DCDC1: variants seen among roughly 807,000 people sequenced by gnomAD.
DCDC1 encodes doublecortin domain-containing protein 1.
DCDC1 carries 200 observed loss-of-function variants against 178.3 expected under a neutral mutation model. That is an observed-to-expected ratio of 1.12 (90% CI 1.00 to 1.26). The LOEUF (loss-of-function observed/expected upper bound fraction) is 1.26, where lower values mean the gene tolerates loss of function less well. DCDC1 is among the 50% of genes most tolerant of loss of function. The probability of loss-of-function intolerance (pLI) is 0.00; values close to 1 mark genes in which losing one functional copy is unlikely to be tolerated. For synonymous variants in DCDC1, 690 were observed against 604.8 expected, an observed-to-expected ratio of 1.14 and a Z score of -2.07; for missense variants, 1,983 against 1,749.2, an observed-to-expected ratio of 1.13 and a Z score of -2.38.
chr11:31,182,356 C>T (rs1466187930), intron 9 of DCDC1, among the ~76,000 whole-genome samples: 1 of 152,148 alleles, frequency 6.6e-6, no homozygotes, highest in Non-Finnish European at 1.5e-5. Flanking sequence ...CAAAGGGAAG[C>T]CCATCAGACT....
chr11:31,245,277 C>T (rs992238034), intron 8 of DCDC1, among the ~76,000 whole-genome samples: 3 of 150,888 alleles, frequency 2.0e-5, no homozygotes, highest in African/African-American at 7.3e-5. Flanking sequence ...ATCCTAAAAC[C>T]TTTTGGAGTT....
At chr11:31,229,985 A>T (rs1034514175) in intron 9 of DCDC1, among the ~76,000 whole-genome samples, 7 of 152,314 alleles carry the variant, frequency 4.6e-5, no homozygotes, top group African/African-American at 1.7e-4. Flanking sequence ...CTACTATTTA[A>T]TATAGTACTT....
At chr11:31,031,749 G>T (rs775718995) in intron 20 of DCDC1, among the ~76,000 whole-genome samples, 10 of 151,904 alleles carry the variant, frequency 6.6e-5, no homozygotes, top group Non-Finnish European at 1.5e-4. Context: ...AAATGAAAAA[G>T]AAATTTTCTC....
At chr11:30,974,762 G>A (rs1331981638) in intron 20 of DCDC1, among the ~76,000 whole-genome samples, 1 of 152,064 alleles carries the variant, frequency 6.6e-6, no homozygotes, top group Non-Finnish European at 1.5e-5. Flanking sequence ...TGGCTTCACT[G>A]CCAAATTCTA....
At chr11:30,926,594 G>A (rs1031010844) in intron 22 of DCDC1, among the ~76,000 whole-genome samples, 5 of 152,256 alleles carry the variant, frequency 3.3e-5, no homozygotes, top group South Asian at 4.1e-4. Flanking sequence ...AGGATATCCC[G>A]CCTATGGAAG....
At chr11:30,916,736 A>G (rs1457863226) in intron 26 of DCDC1, 134 bp downstream of exon 26, 8 of 1,095,012 alleles carry the variant, frequency 7.3e-6, no homozygotes, top group Admixed American at 3.7e-5. Flanking sequence ...AATCAAAAAC[A>G]TAAGACAAAA....
chr11:31,321,494 T>C (rs1162256002), intron 3 of DCDC1, among the ~76,000 whole-genome samples: 1 of 152,176 alleles, frequency 6.6e-6, no homozygotes, highest in Non-Finnish European at 1.5e-5. Flanking sequence ...GGTGAGGCAA[T>C]GCCTCGCCCA....
In DCDC1 at chr11:31,358,387, G is replaced by A. The variant is rs560758238; in HGVS notation, c.-125+11310C>T. Among the ~76,000 whole-genome samples the A allele has an allele frequency of 1.1e-4, 17 of 152,198 alleles. 1 individual carries two copies. The South Asian group carries it at 3.5e-3, about 32-fold the overall frequency. The stretch of plus-strand genomic sequence containing the variant: ...TGCTGGGAAAACTGGCTAGCCATAT[G>A]TAGAAAGCTGAAACTGGACCCCTTC... On this transcript the variant is annotated intron_variant, in intron 1 of 38. Transcript: ENST00000684477.
chr11:31,168,548 G>A (rs555835261), intron 9 of DCDC1, among the ~76,000 whole-genome samples: 2 of 152,120 alleles, frequency 1.3e-5, no homozygotes, highest in Non-Finnish European at 2.9e-5. Context: ...AACCAAATGA[G>A]GCAGTATAAA....
chr11:31,190,795 C>T (rs1970043528), intron 9 of DCDC1, among the ~76,000 whole-genome samples: 1 of 151,994 alleles, frequency 6.6e-6, no homozygotes, highest in Non-Finnish European at 1.5e-5. Flanking sequence ...ATTAACATTA[C>T]TTAATATTTT....
intron 9 of DCDC1, among the ~76,000 whole-genome samples, chr11:31,226,222 T>C (rs1270096295): frequency 6.6e-6 from 1 of 152,022 alleles, no homozygotes; most frequent in African/African-American, 2.4e-5. Flanking sequence ...CATGTCCTAG[T>C]TCAGCCTGGT....
chr11:31,018,185 T>C (rs1316629489), intron 20 of DCDC1, among the ~76,000 whole-genome samples: 1 of 152,230 alleles, frequency 6.6e-6, no homozygotes, highest in Admixed American at 6.5e-5. Flanking sequence ...TGTAAGAATT[T>C]AGTTAATATT....
At chr11:30,895,812 T>G (rs1320990732) in intron 34 of DCDC1, among the ~76,000 whole-genome samples, 1 of 152,186 alleles carries the variant, frequency 6.6e-6, no homozygotes, top group African/African-American at 2.4e-5. Flanking sequence ...ATACTAAATA[T>G]AGTTTTTACC....
intron 34 of DCDC1, among the ~76,000 whole-genome samples, chr11:30,895,588 A>G (rs1001414794): frequency 6.6e-6 from 1 of 152,220 alleles, no homozygotes; most frequent in African/African-American, 2.4e-5. Context: ...AAGTTTATGG[A>G]AATAGATCCA....
chr11:30,988,489 T>A (rs1467408949), intron 20 of DCDC1, among the ~76,000 whole-genome samples: 1 of 151,670 alleles, frequency 6.6e-6, no homozygotes, highest in Non-Finnish European at 1.5e-5. Context: ...AGCACTCTAT[T>A]TGGTCACCTC....
intron 9 of DCDC1, among the ~76,000 whole-genome samples, chr11:31,206,410 T>G (rs1336386063): frequency 6.6e-6 from 1 of 151,924 alleles, no homozygotes; most frequent in Non-Finnish European, 1.5e-5. Flanking sequence ...GATTTCTGTG[T>G]TTGTTTGTTT....
chr11:30,978,402 C>G (rs1382749941), intron 20 of DCDC1, among the ~76,000 whole-genome samples: 2 of 152,162 alleles, frequency 1.3e-5, no homozygotes, highest in Non-Finnish European at 2.9e-5. Context: ...AGCACAATAT[C>G]TGAAACATAA....
chr11:31,170,398 G>T (rs1967063586), intron 9 of DCDC1, among the ~76,000 whole-genome samples: 1 of 152,136 alleles, frequency 6.6e-6, no homozygotes, highest in African/African-American at 2.4e-5. Context: ...TTTTTAAAGA[G>T]TTCATATCAA....
intron 20 of DCDC1, among the ~76,000 whole-genome samples, chr11:30,960,869 A>T (rs1949053008): frequency 6.6e-6 from 1 of 152,118 alleles, no homozygotes. Flanking sequence ...TTGCCTTCCC[A>T]TTAAAGGCAA....
Sources: gnomAD v4.1 joint callset for allele counts (sites outside exome capture counted in the v4.1 genomes callset) on GRCh38, gnomAD v4.1.1 for gene constraint, MANE v1.5 for transcripts, NCBI Gene and HGNC (gene_info 2026-07-23, HGNC 2026-07-21) for gene names.